ATP2C2: variants seen among roughly 807,000 people sequenced by gnomAD.
ATP2C2 encodes ATPase secretory pathway Ca2+ transporting 2.
Under a neutral mutation model 110.8 loss-of-function variants are expected in ATP2C2, and 171 were observed. That is an observed-to-expected ratio of 1.54 (90% CI 1.36 to 1.75). The LOEUF is 1.75. Ranked by LOEUF, ATP2C2 falls within the 40% of genes most tolerant of loss-of-function variation. ATP2C2 has a pLI of 0.00. For missense variants in ATP2C2, 1,963 were observed against 1,235.0 expected, an observed-to-expected ratio of 1.59 and a Z score of -8.84; for synonymous variants, 804 against 508.4, an observed-to-expected ratio of 1.58 and a Z score of -7.82.
At chr16:84,443,504 C>T (rs914296808) in intron 15 of ATP2C2, among the ~76,000 whole-genome samples, 1 of 152,254 alleles carries the variant, frequency 6.6e-6, no homozygotes, top group Admixed American at 6.5e-5. Context: ...CCCCTCGCTG[C>T]CGCCGAGCCT....
At chr16:84,373,885 C>G (rs1474190173) in intron 1 of ATP2C2, among the ~76,000 whole-genome samples, 23 of 152,288 alleles carry the variant, frequency 1.5e-4, no homozygotes, top group Admixed American at 1.4e-3. Context: ...CTAAGAATGT[C>G]TGCTAATGTG....
chr16:84,417,183 C>T (rs1180462599), intron 7 of ATP2C2, among the ~76,000 whole-genome samples: 3 of 152,198 alleles, frequency 2.0e-5, no homozygotes, highest in East Asian at 1.9e-4. Context: ...GGGAGGATTA[C>T]AGATCTTCAG....
At chr16:84,414,478 G>A (rs765499256) in intron 6 of ATP2C2, among the ~76,000 whole-genome samples, 17 of 152,112 alleles carry the variant, frequency 1.1e-4, no homozygotes, top group Non-Finnish European at 2.2e-4. Context: ...GTGTGTGTGC[G>A]TGCACGCGCG....
chr16:84,439,056 C>T lies in ATP2C2; in HGVS notation c.987-110C>T, dbSNP rs181962433. 3.4e-6 allele frequency: 5 copies of T among 1,487,022 alleles called. No homozygotes were observed. The Admixed American group carries it at 5.3e-5, about 16-fold the overall frequency. 92.1% of individuals were successfully genotyped at this position (1,487,022 alleles called of 1,614,324 possible). A position where few individuals can be genotyped will look rare whatever the true frequency, so the allele number is the denominator to read the frequency against. On this transcript the variant is annotated intron_variant, in intron 11 of 26. Coordinates refer to ENST00000262429, the MANE Select transcript of ATP2C2 (RefSeq NM_014861.4). The stretch of plus-strand genomic sequence containing the variant: ...GGGAATGGAGACTAGAACCAGGACA[C>T]TGGGGACACCTAAGACAAGCTTCAC...
At position 84,448,674 on chromosome 16, in the gene ATP2C2, T is replaced by C; in HGVS notation, c.1645T>C (p.Ser549Pro). The C allele has an allele frequency of 6.2e-7, 1 of 1,612,276 alleles. No individual in the cohort carries two copies. Among genetic ancestry groups the C allele is most frequent in the Non-Finnish European group, 8.5e-7 (1 of 1,179,158 alleles). The change falls in exon 17 of 27, where the codon TCG becomes CCG. Residue 549 changes from serine to proline, a missense_variant. Physicochemically the swap from Ser to Pro is moderately conservative, Grantham distance 74 (BLOSUM62 -1). Coordinates refer to ENST00000262429, the MANE Select transcript of ATP2C2 (RefSeq NM_014861.4). ...FCLQEEKRMG[S>P]LGLRVLALAS... ...CCTGCAGGAAGAGAAGAGGATGGGGTCGCTCGGTTTGCGGGGTCAGTGCCT... is the reference window on the plus strand; with the variant it reads ...CCTGCAGGAAGAGAAGAGGATGGGGCCGCTCGGTTTGCGGGGTCAGTGCCT...
intron 2 of ATP2C2, chr16:84,404,724 C>T (rs1410492724): frequency 2.8e-5 from 10 of 353,476 alleles, no homozygotes; most frequent in African/African-American, 2.1e-4. Flanking sequence ...AGTGGAATTG[C>T]TGGATCTGGT....
In ATP2C2 at chr16:84,463,694, A is replaced by C; in HGVS notation, c.2803A>C (p.Ser935Arg). Residue 935 changes from serine (S) to arginine (R), a missense_variant, in exon 27 of 27, where the codon AGC becomes CGC. Physicochemically the swap from Ser to Arg is moderately radical, Grantham distance 110 (BLOSUM62 -1). Transcript: ENST00000262429. ...CAAACTATGTGAAAAATACTGTTGC[A>C]GCCCCAAGAGAGTCCAGATGCACCC... ...LLKLCEKYCCSPKRVQMHPED... is the reference protein window; with the variant it reads ...LLKLCEKYCCRPKRVQMHPED... 6.2e-7 allele frequency: 1 copy of C among 1,614,178 alleles called. No individual in the cohort carries two copies. Among genetic ancestry groups the C allele is most frequent in the Admixed American group, 1.7e-5 (1 of 60,030 alleles).
intron 1 of ATP2C2, among the ~76,000 whole-genome samples, chr16:84,375,540 C>CA (rs34953788): frequency 0.3 from 39,070 of 130,436 alleles, 6,579 homozygotes; most frequent in Non-Finnish European, 0.4. Context: ...GACTCTGTCT[C>CA]AAAAAAAAAA....
intron 6 of ATP2C2, 87 bp from the exon 7 acceptor site, chr16:84,415,396 T>C: frequency 8.8e-7 from 1 of 1,135,008 alleles, no homozygotes; most frequent in Non-Finnish European, 1.3e-6. Flanking sequence ...GAAAAGTGTG[T>C]TTCTATTCTC....
chr16:84,415,656 G>A lies in ATP2C2; in HGVS notation c.624+65G>A, dbSNP rs553994216. 169 of 1,322,780 alleles carry A rather than the reference G, an allele frequency of 1.3e-4. 1 individual carries two copies. The South Asian group carries it at 1.6e-3, about 12-fold the overall frequency. 81.9% of individuals were successfully genotyped at this position (1,322,780 alleles called of 1,614,324 possible). A position where few individuals can be genotyped will look rare whatever the true frequency, so the allele number is the denominator to read the frequency against. On this transcript the variant is annotated intron_variant, in intron 7 of 26. Coordinates refer to ENST00000262429, the MANE Select transcript of ATP2C2 (RefSeq NM_014861.4). ...GAGCTGGTCAAGGAGCAGACACTTA[G>A]CTAATTGTAGGCATGTATAGTCTCT...
Position 84,446,370 on chromosome 16 carries a change from A to G in ATP2C2, c.1443A>G (p.Lys481=). 6.2e-7 allele frequency: 1 copy of G among 1,604,858 alleles called. No individual in the cohort carries two copies. The highest frequency in any genetic ancestry group is 1.3e-5 in the African/African-American group (1 of 74,294). The change falls in exon 16 of 27, where the codon AAA becomes AAG. Residue 481 remains lysine, a synonymous_variant. Coordinates refer to ENST00000262429, the MANE Select transcript of ATP2C2 (RefSeq NM_014861.4). ...SDIKNSYIRK[K]EIPFSSEQKW... ...TTAAAAATTCATATATAAGAAAAAAAGAGATTCCATTCAGTTCAGAGCAGA... is the reference window on the plus strand; with the variant it reads ...TTAAAAATTCATATATAAGAAAAAAGGAGATTCCATTCAGTTCAGAGCAGA...
intron 20 of ATP2C2, 85 bp downstream of exon 20, chr16:84,453,456 G>C: frequency 6.4e-7 from 1 of 1,560,570 alleles, no homozygotes; most frequent in Non-Finnish European, 8.8e-7. Context: ...CGTCCGTCGG[G>C]TGACAGTGCA....
intron 24 of ATP2C2, 60 bp downstream of exon 24, chr16:84,460,861 C>A: frequency 6.5e-7 from 1 of 1,534,006 alleles, no homozygotes; most frequent in Non-Finnish European, 8.8e-7. Context: ...ACGCTGGGGA[C>A]TGCAGTCCCT....
intron 6 of ATP2C2, among the ~76,000 whole-genome samples, chr16:84,411,892 C>G (rs1035402671): frequency 1.4e-4 from 22 of 152,182 alleles, no homozygotes; most frequent in Middle Eastern, 3.4e-3. Context: ...CTGACAGGCC[C>G]AGGAGGGAAA....
At chr16:84,425,635 T>A in intron 10 of ATP2C2, 100 bp from the exon 11 acceptor site, 1 of 1,321,222 alleles carries the variant, frequency 7.6e-7, no homozygotes, top group East Asian at 2.3e-5. Context: ...CCTCTGTGCA[T>A]GCATTCCTGT....
At chr16:84,429,202 A>C (rs191852368) in intron 11 of ATP2C2, among the ~76,000 whole-genome samples, 1 of 152,146 alleles carries the variant, frequency 6.6e-6, no homozygotes, top group Admixed American at 6.5e-5. Flanking sequence ...CCCAGGCTGG[A>C]GTGCAATGGC....
Position 84,461,524 on chromosome 16 carries a change from C to T in ATP2C2, c.2482-190C>T, listed in dbSNP as rs553574279. On this transcript the variant is annotated intron_variant, in intron 24 of 26. Coordinates refer to ENST00000262429, the MANE Select transcript of ATP2C2 (RefSeq NM_014861.4). ...CATCCTCATGGTGGCAGCAAATCAGCATGTGCTGGGGAGACCCTGGGGTAG... is the reference window on the plus strand; with the variant it reads ...CATCCTCATGGTGGCAGCAAATCAGTATGTGCTGGGGAGACCCTGGGGTAG... The T allele has an allele frequency of 2.8e-5, 18 of 642,436 alleles. 1 individual carries two copies. In the South Asian group the frequency reaches 3.1e-4, roughly 11 times the overall value. The allele number at this position is 642,436 out of a possible 1,614,324, so 39.8% of individuals were successfully genotyped here. A position where few individuals can be genotyped will look rare whatever the true frequency, so the allele number is the denominator to read the frequency against.
At chr16:84,393,278 T>C (rs1054182333) in intron 1 of ATP2C2, among the ~76,000 whole-genome samples, 24 of 152,188 alleles carry the variant, frequency 1.6e-4, no homozygotes, top group Admixed American at 1.0e-3. Context: ...CGGGCCCCTA[T>C]GCATTCTTAA....
rs188734563 is a variant in ATP2C2, at chr16:84,369,474, C to G, written c.99+760C>G. Among the ~76,000 whole-genome samples, 10 of 150,934 alleles carry G rather than the reference C, an allele frequency of 6.6e-5. No individual in the cohort carries two copies. In the East Asian group the frequency reaches 1.9e-3, roughly 29 times the overall value. ...GGGGGGCACTGAATTTCTGCAGAAG[C>G]GTTTCTCTGCACGCCAGAGGGTCGT... On this transcript the variant is annotated intron_variant, in intron 1 of 26. Coordinates refer to ENST00000262429, the MANE Select transcript of ATP2C2 (RefSeq NM_014861.4).
Sources: allele counts gnomAD v4.1 joint callset (sites outside exome capture counted in the v4.1 genomes callset), GRCh38; gene constraint gnomAD v4.1.1; transcripts MANE v1.5; gene names NCBI Gene and HGNC (gene_info 2026-07-23, HGNC 2026-07-21).